CNOT7: variants seen among roughly 807,000 people sequenced by gnomAD.
CNOT7 encodes BTG1-binding factor 1.
Under a neutral mutation model 37.1 loss-of-function variants are expected in CNOT7, and 4 were observed. The observed-to-expected ratio is 0.11, with a 90% CI of 0.05 to 0.25. The LOEUF (loss-of-function observed/expected upper bound fraction) is 0.25. Among genes scored for constraint, CNOT7 ranks in the 10% least tolerant of loss-of-function variants. CNOT7 has a pLI of 1.00. For synonymous variants in CNOT7, 128 were observed against 115.6 expected (o/e 1.11, Z -0.69); for missense variants, 170 against 336.2 (o/e 0.51, Z 3.87).
intron 3 of CNOT7, among the ~76,000 whole-genome samples, chr8:17,240,200 A>C (rs1026295536): frequency 6.6e-6 from 1 of 152,230 alleles, no homozygotes. Context: ...TCTTCTACCT[A>C]ATGTTTTTCA....
At chr8:17,231,065 A>C (rs1482083307) in intron 6 of CNOT7, among the ~76,000 whole-genome samples, 2 of 152,126 alleles carry the variant, frequency 1.3e-5, no homozygotes, top group Non-Finnish European at 2.9e-5. Context: ...ACTACAAAAA[A>C]AGTGTATAAA....
At chr8:17,235,404 T>C (rs1302178161) in intron 4 of CNOT7, among the ~76,000 whole-genome samples, 3 of 152,208 alleles carry the variant, frequency 2.0e-5, no homozygotes, top group Admixed American at 6.5e-5. Flanking sequence ...CTGTGTTAAG[T>C]AGTCTCTCCC....
Position 17,230,653 on chromosome 8 carries a change from A to G in CNOT7, c.*67T>C. Reference sequence around the variant, plus strand: ...TACTGTCTATTGTTCGAGGGATTCAACCAGAGATAAAACCTATATACAAGC... The same window carrying G: ...TACTGTCTATTGTTCGAGGGATTCAGCCAGAGATAAAACCTATATACAAGC... On this transcript the variant is annotated 3_prime_UTR_variant, in exon 7 of 7. Coordinates refer to ENST00000361272, the MANE Select transcript of CNOT7 (RefSeq NM_013354.7). The G allele has an allele frequency of 7.1e-7, 1 of 1,399,426 alleles. No homozygotes were observed. The highest frequency in any genetic ancestry group is 9.6e-7 in the Non-Finnish European group (1 of 1,040,602). The allele number at this position is 1,399,426 out of a possible 1,614,324, so 86.7% of individuals were successfully genotyped here.
intron 3 of CNOT7, chr8:17,242,260 G>A (rs528312739): frequency 3.9e-5 from 6 of 152,170 alleles, no homozygotes; most frequent in Admixed American, 1.3e-4. Flanking sequence ...TGTCATTTGA[G>A]GTCCTGCTGT....
chr8:17,243,671 T>A, intron 2 of CNOT7: 1 of 456,290 alleles, frequency 2.2e-6, no homozygotes, highest in Admixed American at 2.3e-5. Context: ...TAAACAATAT[T>A]CTCTCTATAG....
At chr8:17,234,520 A>G (rs1317850876) in intron 5 of CNOT7, 196 bp downstream of exon 5, 2 of 567,942 alleles carry the variant, frequency 3.5e-6, no homozygotes, top group East Asian at 3.1e-5. Context: ...TTCTGCCAAG[A>G]CATACTGAAG....
intron 1 of CNOT7, chr8:17,246,343 A>C (rs558641335): frequency 6.6e-6 from 1 of 152,318 alleles, no homozygotes; most frequent in Non-Finnish European, 1.5e-5. Flanking sequence ...GAAGGTGCTG[A>C]TAACACTGAC....
At position 17,228,866 on chromosome 8, in the gene CNOT7, ACTTC is replaced by A. The variant is rs1216641657; in HGVS notation, c.*1850_*1853del. ...CAAATCACAAGCGAAAAGAAGCTTC[ACTTC>A]CTTTTTAACGAAGACAAAAGAAGCC... On this transcript the variant is annotated 3_prime_UTR_variant, in exon 7 of 7. Transcript: ENST00000361272. The A allele has an allele frequency of 6.6e-6, 1 of 152,010 alleles. No homozygotes were observed. Among genetic ancestry groups the A allele is most frequent in the Non-Finnish European group, 1.5e-5 (1 of 67,892 alleles). 9.4% of individuals were successfully genotyped at this position (152,010 alleles called of 1,614,324 possible).
chr8:17,246,031 A>G (rs1297867535), intron 1 of CNOT7: 1 of 152,102 alleles, frequency 6.6e-6, no homozygotes, highest in Admixed American at 6.5e-5. Flanking sequence ...GTAACTTCCA[A>G]TTCTCCAAGT....
At chr8:17,246,022 TAAC>T (rs1810978901) in intron 1 of CNOT7, 4 of 151,228 alleles carry the variant, frequency 2.6e-5, no homozygotes, top group African/African-American at 7.3e-5. Flanking sequence ...GTCACAAATG[TAAC>T]TTCCAATTCT....
intron 5 of CNOT7, among the ~76,000 whole-genome samples, chr8:17,233,977 C>A (rs1484534969): frequency 6.6e-6 from 1 of 152,138 alleles, no homozygotes; most frequent in African/African-American, 2.4e-5. Flanking sequence ...TCACTTGAAC[C>A]CGGGAGGCGG....
chr8:17,226,008 C>T lies in CNOT7; in HGVS notation c.*4712G>A, dbSNP rs1304038736. The T allele has an allele frequency of 2.7e-5, 3 of 109,544 alleles. No homozygotes were observed. In the East Asian group the frequency reaches 8.1e-4, roughly 30 times the overall value. The allele number at this position is 109,544 out of a possible 1,614,324, so 6.8% of individuals were successfully genotyped here. On this transcript the variant is annotated 3_prime_UTR_variant, in exon 7 of 7. Coordinates refer to ENST00000361272, the MANE Select transcript of CNOT7 (RefSeq NM_013354.7). ...ACAGACATAGACCCTTGAGTTTCTT[C>T]TAGTAGAGAGGTGGACAAGCCTTTT...
At position 17,227,955 on chromosome 8, in the gene CNOT7, A is replaced by G. The variant is rs991570145; in HGVS notation, c.*2765T>C. 2 of 151,962 alleles carry G rather than the reference A, an allele frequency of 1.3e-5. No homozygotes were observed. The highest frequency in any genetic ancestry group is 6.6e-5 in the Admixed American group (1 of 15,232). 9.4% of individuals were successfully genotyped at this position (151,962 alleles called of 1,614,324 possible). A position where few individuals can be genotyped will look rare whatever the true frequency, so the allele number is the denominator to read the frequency against. ...TGATTCTGTAGCTTGCCAAGCGGCAATGTGAAACAAGACACACATACACAG... is the reference window on the plus strand; with the variant it reads ...TGATTCTGTAGCTTGCCAAGCGGCAGTGTGAAACAAGACACACATACACAG... On this transcript the variant is annotated 3_prime_UTR_variant, in exon 7 of 7. Coordinates refer to ENST00000361272, the MANE Select transcript of CNOT7 (RefSeq NM_013354.7).
chr8:17,244,755 C>A, intron 2 of CNOT7: 2 of 300,488 alleles, frequency 6.7e-6, no homozygotes, highest in South Asian at 9.6e-5. Context: ...TCCCCTAAGA[C>A]CACCTGACAC....
In CNOT7 at chr8:17,228,385, A is replaced by G. The variant is rs1357816465; in HGVS notation, c.*2335T>C. The G allele has an allele frequency of 1.3e-5, 2 of 151,978 alleles. No individual in the cohort carries two copies. Among genetic ancestry groups the G allele is most frequent in the African/African-American group, 2.4e-5 (1 of 41,440 alleles). The allele number at this position is 151,978 out of a possible 1,614,324, so 9.4% of individuals were successfully genotyped here. A position where few individuals can be genotyped will look rare whatever the true frequency, so the allele number is the denominator to read the frequency against. ...AAAAAAGTAAAACTTAGACCCAGTAAAAGTCAAAATGTTCCTCTACAAAAG... is the reference window on the plus strand; with the variant it reads ...AAAAAAGTAAAACTTAGACCCAGTAGAAGTCAAAATGTTCCTCTACAAAAG... On this transcript the variant is annotated 3_prime_UTR_variant, in exon 7 of 7. Transcript: ENST00000361272.
intron 4 of CNOT7, 78 bp downstream of exon 4, chr8:17,237,134 C>G: frequency 5.7e-6 from 8 of 1,411,994 alleles, no homozygotes; most frequent in Non-Finnish European, 7.9e-6. Context: ...CCTGAAATTG[C>G]TAACATAGTG....
chr8:17,241,909 T>TA (rs1810218329), intron 3 of CNOT7: 2 of 152,168 alleles, frequency 1.3e-5, no homozygotes, highest in South Asian at 4.1e-4. Context: ...GAACAATTAA[T>TA]AAAAACAAGA....
At chr8:17,240,352 A>AC (rs1554478105) in intron 3 of CNOT7, among the ~76,000 whole-genome samples, 1 of 146,598 alleles carries the variant, frequency 6.8e-6, no homozygotes, top group African/African-American at 2.5e-5. Context: ...ACATTTTGAG[A>AC]TTTTTTTTTT....
chr8:17,234,002 C>T (rs748448097), intron 5 of CNOT7, among the ~76,000 whole-genome samples: 3 of 152,044 alleles, frequency 2.0e-5, no homozygotes, highest in Non-Finnish European at 4.4e-5. Context: ...TGCAGTGAGC[C>T]GAGACCACGC....
Sources: gnomAD v4.1 joint callset for allele counts (sites outside exome capture counted in the v4.1 genomes callset) on GRCh38, gnomAD v4.1.1 for gene constraint, MANE v1.5 for transcripts, NCBI Gene and HGNC (gene_info 2026-07-23, HGNC 2026-07-21) for gene names.